The following UNC80 variants were observed in gnomAD, a reference collection of about 807,000 sequenced individuals.
The protein encoded by UNC80 is protein unc-80 homolog.
In UNC80, 164 loss-of-function variants were observed where a neutral mutation model predicts 384.6. The observed-to-expected ratio is 0.43, with a 90% CI of 0.38 to 0.49. The LOEUF (loss-of-function observed/expected upper bound fraction) is 0.49, where lower values mean the gene tolerates loss of function less well. Among genes scored for constraint, UNC80 ranks in the 20% least tolerant of loss-of-function variants. The pLI, the probability that UNC80 is intolerant of heterozygous loss-of-function variation, is 0.00. For synonymous variants in UNC80, 1,486 were observed against 1,527.8 expected (o/e 0.97, Z 0.64); for missense variants, 3,330 against 4,143.0 (o/e 0.80, Z 5.39).
At position 209,993,298 on chromosome 2, in the gene UNC80, C is replaced by T. The variant is rs1163716302; in HGVS notation, c.9397-17C>T. 3.9e-6 allele frequency: 6 copies of T among 1,544,904 alleles called. No individual in the cohort carries two copies. In the African/African-American group the frequency reaches 6.9e-5, roughly 18 times the overall value. On this transcript the variant is annotated splice_polypyrimidine_tract_variant and intron_variant, in intron 62 of 64. Coordinates refer to ENST00000673920, the MANE Select transcript of UNC80 (RefSeq NM_001371986.1). ...GTTAGACCCTCTTGCAAGTTTTATT[C>T]TGCCTATTCTCTTTAGCTAAGACGT...
At chr2:209,881,964 C>CTTTTTT (rs34822717) in intron 25 of UNC80, among the ~76,000 whole-genome samples, 2 of 131,204 alleles carry the variant, frequency 1.5e-5, no homozygotes, top group African/African-American at 2.8e-5. Flanking sequence ...ACCTCTCCTT[C>CTTTTTT]TTTTTTTTTT....
rs981516619 is a variant in UNC80, at chr2:209,976,431, C to T, written c.8772+128C>T. 1.6e-6 allele frequency: 2 copies of T among 1,221,728 alleles called. No individual in the cohort carries two copies. The highest frequency in any genetic ancestry group is 3.1e-5 in the African/African-American group (2 of 64,698). The allele number at this position is 1,221,728 out of a possible 1,614,324, so 75.7% of individuals were successfully genotyped here. ...GCCAGTTAGTAGGGCCTGTTAATACCATGCTTGATGAGAAAACCGCCCAAA... is the reference window on the plus strand; with the variant it reads ...GCCAGTTAGTAGGGCCTGTTAATACTATGCTTGATGAGAAAACCGCCCAAA... On this transcript the variant is annotated intron_variant, in intron 57 of 64. Transcript: ENST00000673920. This position sits in a 1 kb window ranked among gnomAD's most constrained non-coding sequence, Gnocchi z 4.3.
At chr2:209,856,113 A>G (rs1211289323) in intron 22 of UNC80, among the ~76,000 whole-genome samples, 1 of 152,090 alleles carries the variant, frequency 6.6e-6, no homozygotes. Context: ...CTGTTTCTCT[A>G]TGTTCTTGCC....
chr2:209,989,174 A>AG (rs2093347680), intron 61 of UNC80, among the ~76,000 whole-genome samples: 2 of 151,422 alleles, frequency 1.3e-5, no homozygotes, highest in Non-Finnish European at 2.9e-5. Context: ...AAAAAAAAAA[A>AG]AGTATTCAGG....
In UNC80 at chr2:209,819,198, G is replaced by A. The variant is rs1481985266; in HGVS notation, c.1899G>A (p.Glu633=). The change falls in exon 12 of 65, where the codon GAG becomes GAA. Residue 633 remains glutamate, a synonymous_variant. Transcript: ENST00000673920. The part of the protein sequence containing the change: ...TDSCINYSYL[E]DTEHIDGTNN... ...CCTGCATAAACTACAGCTACCTAGA[G>A]GACACAGAACATATTGACGGGACCA... 8 of 1,551,846 alleles carry A rather than the reference G, an allele frequency of 5.2e-6. No homozygotes were observed. The East Asian group carries it at 7.3e-5, about 14-fold the overall frequency.
chr2:209,779,766 A>G (rs941487316), intron 4 of UNC80, among the ~76,000 whole-genome samples: 4 of 152,244 alleles, frequency 2.6e-5, no homozygotes, highest in Admixed American at 1.3e-4. Context: ...GAGGACAGGA[A>G]ACAAGTCTTC....
chr2:209,882,429 A>G lies in UNC80; in HGVS notation c.4110+1335A>G, dbSNP rs539442355. Among the ~76,000 whole-genome samples, 6 of 152,196 alleles carry G rather than the reference A, an allele frequency of 3.9e-5. No individual in the cohort carries two copies. In the South Asian group the frequency reaches 1.2e-3, roughly 32 times the overall value. On this transcript the variant is annotated intron_variant, in intron 25 of 64. Transcript: ENST00000673920. Reference sequence around the variant, plus strand: ...CTAGGAAGACCATTCATTGCTTCACACTCTAGAACAGAAAGTGGATATTTT... The same window carrying G: ...CTAGGAAGACCATTCATTGCTTCACGCTCTAGAACAGAAAGTGGATATTTT...
At chr2:209,890,027 C>G (rs2086185459) in intron 26 of UNC80, among the ~76,000 whole-genome samples, 1 of 152,042 alleles carries the variant, frequency 6.6e-6, no homozygotes, top group African/African-American at 2.4e-5. Context: ...TGAAAAAGGA[C>G]ATTCAGACCT....
intron 22 of UNC80, among the ~76,000 whole-genome samples, chr2:209,855,189 G>A (rs2082813398): frequency 6.6e-6 from 1 of 152,106 alleles, no homozygotes; most frequent in Admixed American, 6.6e-5. Context: ...GCAAACTAAT[G>A]CAGGAACAGA....
At chr2:209,940,191 A>G (rs2091533294) in intron 43 of UNC80, among the ~76,000 whole-genome samples, 1 of 152,166 alleles carries the variant, frequency 6.6e-6, no homozygotes. Flanking sequence ...TGAAGTTCAA[A>G]AAGAGGCAAA....
Position 209,771,992 on chromosome 2 carries a change from G to C in UNC80, c.-81G>C. ...CGGGGAAGGAGGGGATGAGAGTTGGGAGCAGCGGGAGGAGGCGGCGGCGGC... is the reference window on the plus strand; with the variant it reads ...CGGGGAAGGAGGGGATGAGAGTTGGCAGCAGCGGGAGGAGGCGGCGGCGGC... On this transcript the variant is annotated 5_prime_UTR_variant, in exon 1 of 65. Coordinates refer to ENST00000673920, the MANE Select transcript of UNC80 (RefSeq NM_001371986.1). 9.7e-7 allele frequency: 1 copy of C among 1,026,200 alleles called. No individual in the cohort carries two copies. The highest frequency in any genetic ancestry group is 1.6e-5 in the African/African-American group (1 of 61,974). The allele number at this position is 1,026,200 out of a possible 1,614,324, so 63.6% of individuals were successfully genotyped here. A position where few individuals can be genotyped will look rare whatever the true frequency, so the allele number is the denominator to read the frequency against.
At chr2:209,835,707 CA>C (rs2081289789) in intron 18 of UNC80, among the ~76,000 whole-genome samples, 1 of 152,094 alleles carries the variant, frequency 6.6e-6, no homozygotes, top group African/African-American at 2.4e-5. Flanking sequence ...TTAGGTATAC[CA>C]TTCTGCTTCC....
intron 13 of UNC80, among the ~76,000 whole-genome samples, chr2:209,821,515 G>T (rs1235603766): frequency 6.6e-6 from 1 of 152,204 alleles, no homozygotes; most frequent in Non-Finnish European, 1.5e-5. Flanking sequence ...TAAGGGGAAA[G>T]CAAGAGAAGA....
chr2:209,856,365 A>G (rs1197897220), intron 22 of UNC80, among the ~76,000 whole-genome samples: 1 of 152,020 alleles, frequency 6.6e-6, no homozygotes, highest in East Asian at 1.9e-4. Context: ...TTTTCTGTTC[A>G]TTACATTGCA....
chr2:209,911,204 A>C (rs1559313857), intron 29 of UNC80, among the ~76,000 whole-genome samples: 1 of 152,128 alleles, frequency 6.6e-6, no homozygotes, highest in Non-Finnish European at 1.5e-5. Flanking sequence ...GCCAGTTTTT[A>C]GTATCTTGAC....
chr2:209,781,329 T>G (rs1326337365), intron 4 of UNC80, among the ~76,000 whole-genome samples: 1 of 152,192 alleles, frequency 6.6e-6, no homozygotes, highest in African/African-American at 2.4e-5. Flanking sequence ...GAGATAATAG[T>G]AAAGACTGTG....
chr2:209,818,896 C>CTGTT, intron 11 of UNC80, 97 bp from the exon 12 acceptor site: 2 of 1,348,646 alleles, frequency 1.5e-6, no homozygotes. Flanking sequence ...AAAACTACAG[C>CTGTT]TGTTATTGTG....
chr2:209,905,049 A>C, intron 29 of UNC80, 84 bp downstream of exon 29: 1 of 1,407,246 alleles, frequency 7.1e-7, no homozygotes, highest in Non-Finnish European at 9.8e-7. Context: ...AGAATTTTCA[A>C]GCAAATGCAA....
At chr2:209,982,069 C>G in intron 59 of UNC80, 110 bp from the exon 60 acceptor site, 9 of 1,023,720 alleles carry the variant, frequency 8.8e-6, no homozygotes, top group Non-Finnish European at 1.2e-5. Flanking sequence ...GATTTACACA[C>G]AGCCCTAAGT....
Sources: gnomAD v4.1 joint callset for allele counts (sites outside exome capture counted in the v4.1 genomes callset) on GRCh38, gnomAD v4.1.1 for gene constraint, Gnocchi (gnomAD v3.1) non-coding constraint, MANE v1.5 for transcripts, NCBI Gene and HGNC (gene_info 2026-07-23, HGNC 2026-07-21) for gene names.